Variants in CNTNAP4 observed in about 807,000 individuals in gnomAD.
CNTNAP4 encodes contactin-associated protein-like 4.
Under a neutral mutation model 148.4 loss-of-function variants are expected in CNTNAP4, and 98 were observed. The observed-to-expected ratio is 0.66, with a 90% confidence interval of 0.56 to 0.78. The LOEUF is 0.78. Ranked by LOEUF, CNTNAP4 falls within the 30% of genes least tolerant of loss-of-function variation. The pLI is 0.00. For synonymous variants in CNTNAP4, 730 were observed against 565.1 expected (o/e 1.29, Z -4.14); for missense variants, 1,935 against 1,565.6 (o/e 1.24, Z -3.98).
intron 2 of CNTNAP4, among the ~76,000 whole-genome samples, chr16:76,330,824 G>A (rs1326132615): frequency 6.6e-6 from 1 of 152,132 alleles, no homozygotes; most frequent in Non-Finnish European, 1.5e-5. Flanking sequence ...TAGAAATTCA[G>A]AAAAATGTCA....
chr16:76,331,890 T>C (rs1419451790), intron 2 of CNTNAP4, among the ~76,000 whole-genome samples: 1 of 152,242 alleles, frequency 6.6e-6, no homozygotes, highest in Non-Finnish European at 1.5e-5. Flanking sequence ...CATTTCCTGT[T>C]GGACAGGCCT....
At chr16:76,439,206 T>TA (rs149471857) in intron 4 of CNTNAP4, among the ~76,000 whole-genome samples, 11 of 152,056 alleles carry the variant, frequency 7.2e-5, no homozygotes, top group African/African-American at 2.4e-4. Flanking sequence ...ATGGCTGAAT[T>TA]AAAAAAAATC....
In CNTNAP4 at chr16:76,277,677, G is replaced by T; in HGVS notation, c.15G>T (p.Thr5=). The change falls in exon 1 of 24, where the codon ACG becomes ACT. Residue 5 remains threonine, a synonymous_variant. Transcript: ENST00000611870. MGSV[T]GAVLKTLLLL... ...TAAATGTGAACATGGGATCTGTCACGGGAGCTGTCCTCAAGACGCTACTTC... is the reference window on the plus strand; with the variant it reads ...TAAATGTGAACATGGGATCTGTCACTGGAGCTGTCCTCAAGACGCTACTTC... The T allele has an allele frequency of 6.2e-7, 1 of 1,604,498 alleles. No homozygotes were observed. The highest frequency in any genetic ancestry group is 8.5e-7 in the Non-Finnish European group (1 of 1,175,082).
At chr16:76,282,080 TATAAA>T (rs1958710637) in intron 1 of CNTNAP4, among the ~76,000 whole-genome samples, 1 of 151,902 alleles carries the variant, frequency 6.6e-6, no homozygotes, top group African/African-American at 2.4e-5. Flanking sequence ...ATGAAAAGTG[TATAAA>T]TTATACTTCT....
chr16:76,367,433 T>C (rs936617747), intron 3 of CNTNAP4, among the ~76,000 whole-genome samples: 1 of 152,056 alleles, frequency 6.6e-6, no homozygotes, highest in African/African-American at 2.4e-5. Context: ...AGATAATATA[T>C]GGAAGGCTGC....
At chr16:76,453,620 A>G (rs1320311753) in intron 8 of CNTNAP4, among the ~76,000 whole-genome samples, 1 of 152,060 alleles carries the variant, frequency 6.6e-6, no homozygotes, top group Non-Finnish European at 1.5e-5. Context: ...CCATTGTACT[A>G]CTCCTCTATA....
chr16:76,385,087 T>A (rs1318813400), intron 3 of CNTNAP4, among the ~76,000 whole-genome samples: 2 of 152,228 alleles, frequency 1.3e-5, no homozygotes, highest in African/African-American at 2.4e-5. Context: ...TGAAACAGTT[T>A]ACATGACAGG....
chr16:76,514,648 A>G (rs1221186088), intron 15 of CNTNAP4, among the ~76,000 whole-genome samples: 1 of 150,498 alleles, frequency 6.6e-6, no homozygotes, highest in Non-Finnish European at 1.5e-5. Context: ...TGCTCTGCAA[A>G]CCACAAGCTA....
intron 15 of CNTNAP4, among the ~76,000 whole-genome samples, chr16:76,518,080 T>A (rs972014444): frequency 3.3e-5 from 5 of 152,122 alleles, no homozygotes; most frequent in Admixed American, 2.6e-4. Flanking sequence ...TATAATTTCC[T>A]TTATTCTGGT....
intron 8 of CNTNAP4, among the ~76,000 whole-genome samples, chr16:76,454,349 C>T (rs756373134): frequency 8.5e-5 from 13 of 152,072 alleles, no homozygotes; most frequent in East Asian, 5.8e-4. Context: ...CATTTCTAAC[C>T]GCTTTACAAG....
At chr16:76,358,027 A>G (rs1040210353) in intron 3 of CNTNAP4, among the ~76,000 whole-genome samples, 3 of 152,136 alleles carry the variant, frequency 2.0e-5, no homozygotes, top group Non-Finnish European at 4.4e-5. Flanking sequence ...AAGGTATCAA[A>G]AGTTTATGTT....
intron 3 of CNTNAP4, among the ~76,000 whole-genome samples, chr16:76,360,496 G>T (rs142942256): frequency 4.3e-4 from 65 of 152,228 alleles, no homozygotes; most frequent in African/African-American, 1.5e-3. Flanking sequence ...CTTATGTTGA[G>T]CCCTTATTCT....
chr16:76,439,772 T>C, intron 4 of CNTNAP4, among the ~76,000 whole-genome samples: 1 of 152,292 alleles, frequency 6.6e-6, no homozygotes, highest in Non-Finnish European at 1.5e-5. Flanking sequence ...TTCTTCCTTT[T>C]TATTGTATTA....
chr16:76,352,288 C>G (rs1339557473), intron 2 of CNTNAP4, among the ~76,000 whole-genome samples: 1 of 152,128 alleles, frequency 6.6e-6, no homozygotes, highest in African/African-American at 2.4e-5. Context: ...TTAGATAGGA[C>G]AGTGGAGAGA....
rs755484230 is a variant in CNTNAP4 at position 76,448,917 on chromosome 16, G to T, written c.893G>T (p.Arg298Leu). The change falls in exon 6 of 24, where the codon CGG becomes CTG. Residue 298 changes from arginine (R) to leucine (L), a missense_variant. Physicochemically the swap from Arg to Leu is moderately radical, Grantham distance 102 (BLOSUM62 -2). Coordinates refer to ENST00000611870, the MANE Select transcript of CNTNAP4 (RefSeq NM_033401.5). The part of the protein sequence containing the change: ...VDEHRHHFHA[R>L]GEFNLMNLDY... ...GAACACAGGCATCATTTCCATGCAC[G>T]GGGAGAATTCAATCTCATGAATCTT... 1 of 1,613,646 alleles carries T rather than the reference G, an allele frequency of 6.2e-7. No homozygotes were observed. Among genetic ancestry groups the T allele is most frequent in the South Asian group, 1.1e-5 (1 of 91,002 alleles).
In CNTNAP4 at chr16:76,558,549, T is replaced by C; in HGVS notation, c.3793T>C (p.Tyr1265His). The C allele has an allele frequency of 6.2e-7, 1 of 1,611,976 alleles. No homozygotes were observed. Residue 1265 changes from tyrosine to histidine, a missense_variant, in exon 24 of 24, where the codon TAT becomes CAT. By Grantham distance (83) the Tyr-to-His change is moderately conservative. Transcript: ENST00000611870. ...CATCACTGCCATAGCTGTTCGCATT[T>C]ATCAGCAGAAAAGGTTATATAAAAG... ...LCITAIAVRI[Y>H]QQKRLYKRSE... is the part of the protein sequence containing the mutation.
intron 3 of CNTNAP4, among the ~76,000 whole-genome samples, chr16:76,409,253 T>C (rs2078708138): frequency 6.6e-6 from 1 of 151,990 alleles, no homozygotes; most frequent in Non-Finnish European, 1.5e-5. Flanking sequence ...AGGCGTTTTA[T>C]CTGGTTCCTT....
chr16:76,489,790 A>G lies in CNTNAP4; in HGVS notation c.1987A>G (p.Met663Val), dbSNP rs1345863982. 9 of 1,606,860 alleles carry G rather than the reference A, an allele frequency of 5.6e-6. No homozygotes were observed. The highest frequency in any genetic ancestry group is 4.5e-5 in the East Asian group (2 of 44,692). Residue 663 changes from methionine to valine, a missense_variant, in exon 13 of 24, where the codon ATG (methionine) becomes GTG (valine). By Grantham distance (21) the Met-to-Val change is conservative. Transcript: ENST00000611870. ...YAGFFEYVAS[M>V]EQLQATINRA... is the part of the protein sequence containing the mutation. ...TGGGTTTTTCGAGTATGTGGCCAGC[A>G]TGGAGCAACTTCAGGCCACTATTAA...
At chr16:76,498,982 A>G (rs972877001) in intron 15 of CNTNAP4, among the ~76,000 whole-genome samples, 1 of 152,144 alleles carries the variant, frequency 6.6e-6, no homozygotes, top group Admixed American at 6.5e-5. Context: ...TGGTTACACA[A>G]CAGTGTGAAT....
Sources: gnomAD v4.1 joint callset for allele counts (sites outside exome capture counted in the v4.1 genomes callset) on GRCh38, gnomAD v4.1.1 for gene constraint, MANE v1.5 for transcripts, NCBI Gene and HGNC (gene_info 2026-07-23, HGNC 2026-07-21) for gene names.